CPSF2: variants seen among roughly 807,000 people sequenced by gnomAD.
The protein encoded by CPSF2 is cleavage and polyadenylation specificity factor subunit 2.
CPSF2 carries 51 observed loss-of-function variants against 84.2 expected under a neutral mutation model. The observed-to-expected ratio is 0.61, with a 90% CI of 0.48 to 0.77. The LOEUF (loss-of-function observed/expected upper bound fraction) is 0.77, where lower values mean the gene tolerates loss of function less well. Among genes scored for constraint, CPSF2 ranks in the 30% least tolerant of loss-of-function variants. The pLI, the probability that CPSF2 is intolerant of heterozygous loss-of-function variation, is 0.00. For missense variants in CPSF2, 641 were observed against 929.4 expected (o/e 0.69, Z 4.03); for synonymous variants, 286 against 311.9 (o/e 0.92, Z 0.87).
rs920403522 is a variant in CPSF2, at chr14:92,157,302, G to GT, written c.1596-354dup. The stretch of plus-strand genomic sequence containing the variant: ...ATAGGCTGATCACTCGAGATCAGGA[G>GT]TTTGAGACCAGCCTGGCCAACATGG... On this transcript the variant is annotated intron_variant, in intron 12 of 15. Coordinates refer to ENST00000298875, the MANE Select transcript of CPSF2 (RefSeq NM_017437.3). This position sits in a 1 kb window ranked among gnomAD's most constrained non-coding sequence, Gnocchi z 4.0. 1.6e-4 allele frequency among the ~76,000 whole-genome samples: 24 copies of GT among 152,150 alleles called. No individual in the cohort carries two copies. The highest frequency in any genetic ancestry group is 5.6e-4 in the African/African-American group (23 of 41,428).
intron 3 of CPSF2, among the ~76,000 whole-genome samples, chr14:92,131,621 T>C (rs1032068971): frequency 1.1e-4 from 17 of 152,090 alleles, no homozygotes; most frequent in African/African-American, 3.6e-4. Context: ...GGCAGATCAC[T>C]TGAGTTCAGG....
chr14:92,168,351 C>T lies in CPSF2; in HGVS notation c.*6607C>T, dbSNP rs2069478276. ...GCAAATGTTTATTTTTTTACCTCCT[C>T]TTTGGTTTTTGTCTCACTTGAAGCA... On this transcript the variant is annotated 3_prime_UTR_variant, in exon 16 of 16. Transcript: ENST00000298875. 6.6e-6 allele frequency: 1 copy of T among 151,186 alleles called. No individual in the cohort carries two copies. 9.4% of individuals were successfully genotyped at this position (151,186 alleles called of 1,614,324 possible).
At position 92,169,734 on chromosome 14, in the gene CPSF2, A is replaced by G. The variant is rs917610643; in HGVS notation, c.*7990A>G. On this transcript the variant is annotated 3_prime_UTR_variant, in exon 16 of 16. Transcript: ENST00000298875. ...GAGGATTGAGAATGTTGTTCATTTTATCTAATTACTGCCTATTAAGAAAAG... is the reference window on the plus strand; with the variant it reads ...GAGGATTGAGAATGTTGTTCATTTTGTCTAATTACTGCCTATTAAGAAAAG... 1.5e-5 allele frequency: 2 copies of G among 136,428 alleles called. No individual in the cohort carries two copies. Among genetic ancestry groups the G allele is most frequent in the Non-Finnish European group, 3.1e-5 (2 of 65,054 alleles). 8.5% of individuals were successfully genotyped at this position (136,428 alleles called of 1,614,324 possible). A position where few individuals can be genotyped will look rare whatever the true frequency, so the allele number is the denominator to read the frequency against.
chr14:92,123,640 C>G (rs1008653966), intron 1 of CPSF2, among the ~76,000 whole-genome samples: 6 of 152,210 alleles, frequency 3.9e-5, no homozygotes, highest in Non-Finnish European at 8.8e-5. Flanking sequence ...CTCAAGTGAT[C>G]TGCCCTCCTC....
In CPSF2 at chr14:92,166,291, T is replaced by A. The variant is rs1451510333; in HGVS notation, c.*4547T>A. 6.6e-6 allele frequency: 1 copy of A among 152,104 alleles called. No homozygotes were observed. The highest frequency in any genetic ancestry group is 1.5e-5 in the Non-Finnish European group (1 of 68,030). 9.4% of individuals were successfully genotyped at this position (152,104 alleles called of 1,614,324 possible). On this transcript the variant is annotated 3_prime_UTR_variant, in exon 16 of 16. Coordinates refer to ENST00000298875, the MANE Select transcript of CPSF2 (RefSeq NM_017437.3). Reference sequence around the variant, plus strand: ...TTTACACTCTTTTTTTTTCTAACAGTTTTACAGTTTAGGCTCTTATCATTA... The same window carrying A: ...TTTACACTCTTTTTTTTTCTAACAGATTTACAGTTTAGGCTCTTATCATTA...
chr14:92,136,061 C>G lies in CPSF2; in HGVS notation c.545+565C>G, dbSNP rs572311869. On this transcript the variant is annotated intron_variant, in intron 6 of 15. Coordinates refer to ENST00000298875, the MANE Select transcript of CPSF2 (RefSeq NM_017437.3). ...GTAATTACCATCTAATATAACTGCCCTGTATGTTTAAAGTTAGTCCCTTTG... is the reference window on the plus strand; with the variant it reads ...GTAATTACCATCTAATATAACTGCCGTGTATGTTTAAAGTTAGTCCCTTTG... 2.6e-5 allele frequency among the ~76,000 whole-genome samples: 4 copies of G among 152,246 alleles called. No individual in the cohort carries two copies. The South Asian group carries it at 8.3e-4, about 32-fold the overall frequency.
rs986445186 is a variant in CPSF2 at position 92,138,158 on chromosome 14, T to G, written c.546-74T>G. 3 of 682,274 alleles carry G rather than the reference T, an allele frequency of 4.4e-6. No homozygotes were observed. The African/African-American group carries it at 5.7e-5, about 13-fold the overall frequency. The allele number at this position is 682,274 out of a possible 1,614,324, so 42.3% of individuals were successfully genotyped here. A position where few individuals can be genotyped will look rare whatever the true frequency, so the allele number is the denominator to read the frequency against. ...ACACCTTATAAATGAAGCTGCTTAT[T>G]TTTTAAGTAAGAGAAGCTATTATTG... On this transcript the variant is annotated intron_variant, in intron 6 of 15. Transcript: ENST00000298875.
chr14:92,152,628 G>A (rs1363923657), intron 9 of CPSF2, among the ~76,000 whole-genome samples: 2 of 151,246 alleles, frequency 1.3e-5, no homozygotes, highest in African/African-American at 2.4e-5. Flanking sequence ...TAGTAGAGAC[G>A]GGGTTTCACC....
Position 92,164,780 on chromosome 14 carries a change from CA to C in CPSF2, c.*3038del, listed in dbSNP as rs2069421815. On this transcript the variant is annotated 3_prime_UTR_variant, in exon 16 of 16. Coordinates refer to ENST00000298875, the MANE Select transcript of CPSF2 (RefSeq NM_017437.3). ...TTGGCTTTTTTAAAAAATTGAGATT[CA>C]ACTTACATACCATAAAGTTCACTCT... 2 of 152,152 alleles carry C rather than the reference CA, an allele frequency of 1.3e-5. No homozygotes were observed. The highest frequency in any genetic ancestry group is 2.9e-5 in the Non-Finnish European group (2 of 68,032). The allele number at this position is 152,152 out of a possible 1,614,324, so 9.4% of individuals were successfully genotyped here.
intron 7 of CPSF2, among the ~76,000 whole-genome samples, chr14:92,138,673 A>C (rs1171878922): frequency 3.3e-5 from 5 of 151,850 alleles, no homozygotes; most frequent in African/African-American, 1.2e-4. Flanking sequence ...CAGGTGATCC[A>C]CCTGCCTTGG....
In CPSF2 at chr14:92,162,706, A is replaced by G. The variant is rs1363294875; in HGVS notation, c.*962A>G. The G allele has an allele frequency of 6.6e-6, 1 of 152,220 alleles. No individual in the cohort carries two copies. Among genetic ancestry groups the G allele is most frequent in the East Asian group, 1.9e-4 (1 of 5,206 alleles). The allele number at this position is 152,220 out of a possible 1,614,324, so 9.4% of individuals were successfully genotyped here. A position where few individuals can be genotyped will look rare whatever the true frequency, so the allele number is the denominator to read the frequency against. On this transcript the variant is annotated 3_prime_UTR_variant, in exon 16 of 16. Coordinates refer to ENST00000298875, the MANE Select transcript of CPSF2 (RefSeq NM_017437.3). ...AATAATACTGAAGTTGGATAAGGTT[A>G]TCCTTTCTGTATTTGCGTCTTTCTT...
chr14:92,155,277 G>C lies in CPSF2; in HGVS notation c.1396G>C (p.Ala466Pro). 3 of 1,614,058 alleles carry C rather than the reference G, an allele frequency of 1.9e-6. No individual in the cohort carries two copies. The highest frequency in any genetic ancestry group is 2.5e-6 in the Non-Finnish European group (3 of 1,179,980). Residue 466 changes from alanine (A) to proline (P), a missense_variant, in exon 11 of 16, where the codon GCC becomes CCC. Transcript: ENST00000298875. ...QAKKSYPMFP[A>P]PEERIKWDEY... The stretch of plus-strand genomic sequence containing the variant: ...AAAAAAGTCCTATCCTATGTTTCCT[G>C]CCCCAGAAGAAAGAATTAAATGGGA...
intron 2 of CPSF2, among the ~76,000 whole-genome samples, chr14:92,126,774 A>C (rs1420341623): frequency 1.3e-5 from 2 of 152,232 alleles, no homozygotes; most frequent in Non-Finnish European, 2.9e-5. Context: ...ACTGCACTCC[A>C]GCCTGGGTAC....
At chr14:92,138,105 A>T in intron 6 of CPSF2, 127 bp from the exon 7 acceptor site, 1 of 445,360 alleles carries the variant, frequency 2.2e-6, no homozygotes, top group Non-Finnish European at 4.1e-6. Flanking sequence ...ATCAATGAGC[A>T]TGTCTACTTT....
intron 3 of CPSF2, 43 bp from the exon 4 acceptor site, chr14:92,133,968 T>A (rs1276094715): frequency 2.5e-6 from 4 of 1,604,248 alleles, no homozygotes; most frequent in Non-Finnish European, 3.4e-6. Context: ...TCTTTACCCT[T>A]AAAAAGATTC....
intron 9 of CPSF2, among the ~76,000 whole-genome samples, chr14:92,151,091 A>T (rs1392733411): frequency 6.6e-6 from 1 of 152,184 alleles, no homozygotes; most frequent in African/African-American, 2.4e-5. Flanking sequence ...TAAAAGATCC[A>T]TTCAAAATTT....
chr14:92,152,617 A>G (rs1000657521), intron 9 of CPSF2, among the ~76,000 whole-genome samples: 3 of 146,220 alleles, frequency 2.1e-5, no homozygotes, highest in Non-Finnish European at 4.5e-5. Flanking sequence ...TTTTATATTT[A>G]TAGTAGAGAC....
chr14:92,137,278 C>T (rs1017354346), intron 6 of CPSF2, among the ~76,000 whole-genome samples: 6 of 152,116 alleles, frequency 3.9e-5, no homozygotes, highest in Admixed American at 6.6e-5. Flanking sequence ...GGCACAATCA[C>T]GGCTCACTGT....
chr14:92,164,805 C>T lies in CPSF2; in HGVS notation c.*3061C>T, dbSNP rs1203746162. On this transcript the variant is annotated 3_prime_UTR_variant, in exon 16 of 16. Coordinates refer to ENST00000298875, the MANE Select transcript of CPSF2 (RefSeq NM_017437.3). ...CAACTTACATACCATAAAGTTCACT[C>T]TTCTAAAGTGTACAATTCATTGGTG... 6.6e-6 allele frequency: 1 copy of T among 152,150 alleles called. No homozygotes were observed. The highest frequency in any genetic ancestry group is 1.9e-4 in the East Asian group (1 of 5,202). 9.4% of individuals were successfully genotyped at this position (152,150 alleles called of 1,614,324 possible).
Sources: gnomAD v4.1 joint callset for allele counts (sites outside exome capture counted in the v4.1 genomes callset) on GRCh38, gnomAD v4.1.1 for gene constraint, Gnocchi (gnomAD v3.1) non-coding constraint, MANE v1.5 for transcripts, NCBI Gene and HGNC (gene_info 2026-07-23, HGNC 2026-07-21) for gene names.